ADAMTS16: variants seen among roughly 807,000 people sequenced by gnomAD.
ADAMTS16 encodes the protein ADAM metallopeptidase with thrombospondin type 1 motif 16.
In ADAMTS16, 94 loss-of-function variants were observed where a neutral mutation model predicts 145.8. The ratio of observed to expected loss-of-function variants is 0.64; its 90% CI spans 0.55 to 0.77. The LOEUF is 0.77. Among genes scored for constraint, ADAMTS16 ranks in the 30% least tolerant of loss-of-function variants. ADAMTS16 has a pLI of 0.00. For missense variants in ADAMTS16, 1,585 were observed against 1,591.5 expected (o/e 1.00, Z 0.07); for synonymous variants, 659 against 604.3 (o/e 1.09, Z -1.33).
chr5:5,160,479 C>A (rs1734712643), intron 3 of ADAMTS16, among the ~76,000 whole-genome samples: 1 of 152,056 alleles, frequency 6.6e-6, no homozygotes, highest in Admixed American at 6.6e-5. Context: ...TAGAGCAATA[C>A]CTCCTCTACT....
chr5:5,140,537 C>T lies in ADAMTS16; in HGVS notation c.70C>T (p.Gln24Ter). 1.3e-6 allele frequency: 2 copies of T among 1,510,296 alleles called. No homozygotes were observed. The highest frequency in any genetic ancestry group is 1.8e-6 in the Non-Finnish European group (2 of 1,139,228). 93.6% of individuals were successfully genotyped at this position (1,510,296 alleles called of 1,614,324 possible). A position where few individuals can be genotyped will look rare whatever the true frequency, so the allele number is the denominator to read the frequency against. The stretch of plus-strand genomic sequence containing the variant: ...GATGCTGTTGGCGCAGGTGGCCGAG[C>T]AGGTGAGTCCCGGGCGCTCCCACCA... ...LWMLLAQVAE[Q>*]APACAMGPAA... Residue 24 changes from glutamine (Q) to a stop codon, truncating the protein, a stop_gained and splice_region_variant, in exon 1 of 23, where the codon CAG becomes TAG. Coordinates refer to ENST00000274181, the MANE Select transcript of ADAMTS16 (RefSeq NM_139056.4). LOFTEE classifies it high-confidence loss of function.
At chr5:5,223,514 G>C (rs1294003196) in intron 11 of ADAMTS16, 1 of 152,394 alleles carries the variant, frequency 6.6e-6, no homozygotes, top group Non-Finnish European at 1.5e-5. Flanking sequence ...AGGGGGCAAG[G>C]GTTGAAACAC....
intron 20 of ADAMTS16, among the ~76,000 whole-genome samples, chr5:5,305,581 G>T (rs1399327641): frequency 1.3e-5 from 2 of 151,616 alleles, no homozygotes; most frequent in Non-Finnish European, 2.9e-5. Flanking sequence ...TCTCTCTTAG[G>T]CCTGGATCAG....
intron 8 of ADAMTS16, among the ~76,000 whole-genome samples, chr5:5,196,237 C>CAAAAAA (rs10680781): frequency 0.085 from 8,051 of 94,822 alleles, 597 homozygotes; most frequent in Non-Finnish European, 0.11. Flanking sequence ...GCCTCCATCT[C>CAAAAAA]AAAAAAAAAA....
intron 7 of ADAMTS16, 72 bp downstream of exon 7, chr5:5,190,202 A>G (rs1196798063): frequency 1.4e-6 from 2 of 1,457,280 alleles, no homozygotes; most frequent in African/African-American, 1.4e-5. Context: ...AGTGTTGAGT[A>G]TTTTTGCCCT....
chr5:5,315,857 C>A (rs1734039736), intron 21 of ADAMTS16, among the ~76,000 whole-genome samples: 1 of 152,172 alleles, frequency 6.6e-6, no homozygotes, highest in African/African-American at 2.4e-5. Context: ...ATATTGTTGG[C>A]AACTTTTTCT....
intron 10 of ADAMTS16, among the ~76,000 whole-genome samples, chr5:5,216,739 G>A (rs13165717): frequency 2.8e-3 from 385 of 139,058 alleles, no homozygotes; most frequent in Middle Eastern, 0.025. Context: ...TATATCTCCC[G>A]ATGCTATCCC....
In ADAMTS16 at chr5:5,140,459, C is replaced by T. The variant is rs537012262; in HGVS notation, c.-9C>T. 4.6e-5 allele frequency: 69 copies of T among 1,506,070 alleles called. No homozygotes were observed. The South Asian group carries it at 8.1e-4, about 18-fold the overall frequency. The allele number at this position is 1,506,070 out of a possible 1,614,324, so 93.3% of individuals were successfully genotyped here. The stretch of plus-strand genomic sequence containing the variant: ...TCCGGTGGCCCCTAGCCCCTCGGAG[C>T]GCTCCTGGATGAAGCCCCGCGCGCG... On this transcript the variant is annotated 5_prime_UTR_variant, in exon 1 of 23. Transcript: ENST00000274181.
chr5:5,239,828 A>C lies in ADAMTS16; in HGVS notation c.2426A>C (p.Tyr809Ser). 3 of 1,614,134 alleles carry C rather than the reference A, an allele frequency of 1.9e-6. No individual in the cohort carries two copies. Among genetic ancestry groups the C allele is most frequent in the Non-Finnish European group, 2.5e-6 (3 of 1,180,028 alleles). Residue 809 changes from tyrosine to serine, a missense_variant, in exon 16 of 23, where the codon TAC (tyrosine) becomes TCC (serine). Transcript: ENST00000274181. The part of the protein sequence containing the change: ...GHWTVDWPGR[Y>S]KFSGTTFDYR... ...TGGACCGTGGACTGGCCCGGCCGGT[A>C]CAAATTTTCGGGCACTACTTTCGAC... is the stretch of plus-strand genomic sequence containing the variant.
rs557548845 is a variant in ADAMTS16 at position 5,165,806 on chromosome 5, C to A, written c.502-16238C>A. Among the ~76,000 whole-genome samples the A allele has an allele frequency of 3.3e-5, 5 of 152,288 alleles. No individual in the cohort carries two copies. The East Asian group carries it at 9.7e-4, about 29-fold the overall frequency. ...AGTGCAAAAACATGGGTGAGTTCAG[C>A]AATGGCTTATAGGTCCAGGTGACAA... On this transcript the variant is annotated intron_variant, in intron 3 of 22. Transcript: ENST00000274181.
intron 9 of ADAMTS16, among the ~76,000 whole-genome samples, chr5:5,200,479 G>C (rs998987854): frequency 3.9e-5 from 6 of 152,166 alleles, no homozygotes; most frequent in Admixed American, 3.9e-4. Context: ...TTGATTCAAA[G>C]GGAATCAATG....
intron 17 of ADAMTS16, among the ~76,000 whole-genome samples, chr5:5,244,520 T>C (rs1333576212): frequency 4.6e-5 from 7 of 152,164 alleles, no homozygotes; most frequent in African/African-American, 9.7e-5. Flanking sequence ...AACAAGCCTT[T>C]CATGTCTGTG....
chr5:5,218,657 C>T (rs999345906), intron 10 of ADAMTS16, among the ~76,000 whole-genome samples: 5 of 152,152 alleles, frequency 3.3e-5, no homozygotes, highest in African/African-American at 7.2e-5. Flanking sequence ...ACTGGGTCAC[C>T]CCTGTGGCCT....
At chr5:5,267,098 C>T (rs2399733) in intron 18 of ADAMTS16, among the ~76,000 whole-genome samples, 2 of 151,938 alleles carry the variant, frequency 1.3e-5, no homozygotes, top group African/African-American at 2.4e-5. Flanking sequence ...GCAGGGTGTG[C>T]GATGAGGGCG....
At position 5,186,224 on chromosome 5, in the gene ADAMTS16, C is replaced by G. The variant is rs1735493219; in HGVS notation, c.936C>G (p.Thr312=). The G allele has an allele frequency of 1.2e-6, 2 of 1,613,838 alleles. No individual in the cohort carries two copies. The highest frequency in any genetic ancestry group is 1.7e-6 in the Non-Finnish European group (2 of 1,180,004). ...AAAACCATGGCCATGAAAATATCAC[C>G]ACCTACGTGCTCACGATACTCAACA... ...MMQNHGHENI[T]TYVLTILNMV... is the part of the protein sequence containing the mutation. Residue 312 remains threonine (T), a synonymous_variant, in exon 5 of 23, where the codon ACC becomes ACG. Transcript: ENST00000274181.
In ADAMTS16 at chr5:5,186,255, G is replaced by A. The variant is rs1434095532; in HGVS notation, c.963+4G>A. On this transcript the variant is annotated splice_donor_region_variant and intron_variant, in intron 5 of 22. Transcript: ENST00000274181. ...CGTGCTCACGATACTCAACATGGTA[G>A]GATCATCCTTCCAGTTGAGGCCACC... 6.2e-7 allele frequency: 1 copy of A among 1,612,748 alleles called. No homozygotes were observed. Among genetic ancestry groups the A allele is most frequent in the South Asian group, 1.1e-5 (1 of 91,038 alleles).
intron 10 of ADAMTS16, among the ~76,000 whole-genome samples, chr5:5,210,251 T>A (rs1381019524): frequency 6.6e-6 from 1 of 151,978 alleles, no homozygotes; most frequent in African/African-American, 2.4e-5. Context: ...AACTAATGGG[T>A]TTTTTTCAAA....
At chr5:5,279,201 G>A (rs996311683) in intron 18 of ADAMTS16, among the ~76,000 whole-genome samples, 3 of 152,182 alleles carry the variant, frequency 2.0e-5, no homozygotes, top group Non-Finnish European at 4.4e-5. Flanking sequence ...CCCTGTTTGT[G>A]GATGCCAGGC....
At chr5:5,205,595 AGT>A (rs1736080761) in intron 9 of ADAMTS16, among the ~76,000 whole-genome samples, 1 of 152,204 alleles carries the variant, frequency 6.6e-6, no homozygotes, top group African/African-American at 2.4e-5. Flanking sequence ...CATTCTCATC[AGT>A]GTTTGACATT....
Sources: allele counts gnomAD v4.1 joint callset (sites outside exome capture counted in the v4.1 genomes callset), GRCh38; gene constraint gnomAD v4.1.1; transcripts MANE v1.5; gene names NCBI Gene and HGNC (gene_info 2026-07-23, HGNC 2026-07-21).